CACNA2D1: variants seen among roughly 807,000 people sequenced by gnomAD.
CACNA2D1 encodes calcium voltage-gated channel auxiliary subunit alpha2delta 1.
In CACNA2D1, 53 loss-of-function variants were observed where a neutral mutation model predicts 171.5. The observed-to-expected ratio is 0.31, with a 90% CI of 0.25 to 0.39. CACNA2D1 has a LOEUF of 0.39. Among genes scored for constraint, CACNA2D1 ranks in the 10% least tolerant of loss-of-function variants. The probability of loss-of-function intolerance (pLI) is 1.00; values close to 1 mark genes in which losing one functional copy is unlikely to be tolerated. For missense variants in CACNA2D1, 903 were observed against 1,299.8 expected (o/e 0.69, Z 4.69); for synonymous variants, 442 against 443.1 (o/e 1.00, Z 0.03).
At chr7:82,083,847 T>A (rs1810111740) in intron 7 of CACNA2D1, among the ~76,000 whole-genome samples, 2 of 152,174 alleles carry the variant, frequency 1.3e-5, no homozygotes, top group Admixed American at 6.5e-5. Context: ...AATTTTTATT[T>A]CACCCTTATT....
At chr7:82,069,493 T>C (rs1808059212) in intron 7 of CACNA2D1, among the ~76,000 whole-genome samples, 2 of 152,170 alleles carry the variant, frequency 1.3e-5, no homozygotes, top group Non-Finnish European at 2.9e-5. Context: ...AAAAATGAAC[T>C]GTTAGTGTGT....
intron 4 of CACNA2D1, among the ~76,000 whole-genome samples, chr7:82,162,429 T>C (rs1371430790): frequency 1.3e-5 from 2 of 151,922 alleles, no homozygotes; most frequent in Non-Finnish European, 2.9e-5. Context: ...TTTGGAAGGT[T>C]GTAAGTTGAT....
rs752659902 is a variant in CACNA2D1 at position 81,962,509 on chromosome 7, A to AT, written c.2781-15dup. 4 of 1,548,174 alleles carry AT rather than the reference A, an allele frequency of 2.6e-6. No individual in the cohort carries two copies. The highest frequency in any genetic ancestry group is 2.3e-5 in the South Asian group (2 of 85,142). Reference sequence around the variant, plus strand: ...TGTAGAATAGACCTGAATTTTTCAAATAAAAAAAAAATAAACATCTAGGGA... The same window carrying AT: ...TGTAGAATAGACCTGAATTTTTCAAATTAAAAAAAAAATAAACATCTAGGGA... On this transcript the variant is annotated splice_polypyrimidine_tract_variant and intron_variant, in intron 34 of 38. Transcript: ENST00000356860.
chr7:82,112,057 G>T (rs760292319), intron 6 of CACNA2D1, among the ~76,000 whole-genome samples: 3 of 151,762 alleles, frequency 2.0e-5, no homozygotes, highest in Non-Finnish European at 2.9e-5. Context: ...ATCATTATAA[G>T]AAAAAATAAA....
chr7:82,088,042 T>C (rs1405214336), intron 6 of CACNA2D1, among the ~76,000 whole-genome samples: 1 of 152,186 alleles, frequency 6.6e-6, no homozygotes, highest in Non-Finnish European at 1.5e-5. Context: ...TGTTTCTGTC[T>C]GTCTCTCTAA....
At chr7:82,357,612 C>T (rs574414035) in intron 1 of CACNA2D1, among the ~76,000 whole-genome samples, 2 of 150,194 alleles carry the variant, frequency 1.3e-5, no homozygotes, top group Non-Finnish European at 3.0e-5. Flanking sequence ...ACCTTTTTTT[C>T]CATGCCCTTC....
At chr7:82,016,265 A>G (rs1800432288) in intron 12 of CACNA2D1, among the ~76,000 whole-genome samples, 1 of 152,114 alleles carries the variant, frequency 6.6e-6, no homozygotes, top group Non-Finnish European at 1.5e-5. Context: ...TAAATGCCAT[A>G]CCCTAAACAA....
chr7:82,399,276 C>T (rs538771315), intron 1 of CACNA2D1, among the ~76,000 whole-genome samples: 4 of 152,078 alleles, frequency 2.6e-5, no homozygotes, highest in East Asian at 1.9e-4. Flanking sequence ...CCTGTCTCTA[C>T]AAAAAATACG....
At chr7:82,254,506 T>A (rs1806051050) in intron 3 of CACNA2D1, among the ~76,000 whole-genome samples, 2 of 152,150 alleles carry the variant, frequency 1.3e-5, no homozygotes, top group South Asian at 4.1e-4. Context: ...AATACATCCA[T>A]CATCACATAT....
At position 81,950,221 on chromosome 7, in the gene CACNA2D1, C is replaced by T; in HGVS notation, c.*171G>A. 8.8e-7 allele frequency: 1 copy of T among 1,136,804 alleles called. No homozygotes were observed. The highest frequency in any genetic ancestry group is 1.3e-6 in the Non-Finnish European group (1 of 794,352). The allele number at this position is 1,136,804 out of a possible 1,614,324, so 70.4% of individuals were successfully genotyped here. ...CACGTTTAAGGATCTGACACCCTGA[C>T]ATGCAGCCAGTGGGTGCCTTAGGAG... On this transcript the variant is annotated 3_prime_UTR_variant, in exon 39 of 39. Coordinates refer to ENST00000356860, the MANE Select transcript of CACNA2D1 (RefSeq NM_000722.4).
chr7:82,017,613 T>A (rs1352689423), intron 12 of CACNA2D1, among the ~76,000 whole-genome samples: 3 of 151,980 alleles, frequency 2.0e-5, no homozygotes, highest in Non-Finnish European at 1.5e-5. Context: ...TTCAGATGTT[T>A]TTTTTTTACT....
intron 1 of CACNA2D1, among the ~76,000 whole-genome samples, chr7:82,395,030 GCTA>G (rs1399839853): frequency 1.2e-4 from 19 of 152,032 alleles, no homozygotes; most frequent in African/African-American, 3.9e-4. Context: ...TTTGTTAGTT[GCTA>G]CTATCTCCTA....
chr7:82,082,120 G>A (rs1234011269), intron 7 of CACNA2D1, among the ~76,000 whole-genome samples: 1 of 152,200 alleles, frequency 6.6e-6, no homozygotes, highest in Non-Finnish European at 1.5e-5. Context: ...AACTCTGTCA[G>A]TCCCTTGCTC....
chr7:82,417,063 A>C (rs1285290381), intron 1 of CACNA2D1, among the ~76,000 whole-genome samples: 1 of 152,238 alleles, frequency 6.6e-6, no homozygotes, highest in Non-Finnish European at 1.5e-5. Context: ...TAATACATCT[A>C]CAATCTACAT....
chr7:82,047,066 A>G (rs1804638211), intron 10 of CACNA2D1, among the ~76,000 whole-genome samples: 1 of 152,112 alleles, frequency 6.6e-6, no homozygotes, highest in African/African-American at 2.4e-5. Flanking sequence ...ATCCCCCTGC[A>G]TCTCCACCTG....
intron 3 of CACNA2D1, among the ~76,000 whole-genome samples, chr7:82,172,524 C>T (rs962511002): frequency 5.3e-5 from 8 of 151,418 alleles, no homozygotes; most frequent in Non-Finnish European, 1.0e-4. Context: ...GCAATCATAG[C>T]TCCCTGCAGC....
chr7:82,061,673 C>T (rs758375131), intron 9 of CACNA2D1, among the ~76,000 whole-genome samples: 4 of 152,118 alleles, frequency 2.6e-5, no homozygotes, highest in Non-Finnish European at 5.9e-5. Flanking sequence ...CCAGTCATGC[C>T]AGACAGGAGA....
chr7:82,327,923 G>T (rs1318134117), intron 3 of CACNA2D1, among the ~76,000 whole-genome samples: 6 of 152,058 alleles, frequency 3.9e-5, no homozygotes, highest in Admixed American at 3.3e-4. Context: ...CAGCCCCTCA[G>T]CTCCCATTTG....
At chr7:82,181,638 TA>T (rs1797150680) in intron 3 of CACNA2D1, among the ~76,000 whole-genome samples, 1 of 152,210 alleles carries the variant, frequency 6.6e-6, no homozygotes, top group Non-Finnish European at 1.5e-5. Context: ...TAGATTATCT[TA>T]AAAAAGCAAG....
Sources: allele counts gnomAD v4.1 joint callset (sites outside exome capture counted in the v4.1 genomes callset), GRCh38; gene constraint gnomAD v4.1.1; transcripts MANE v1.5; gene names NCBI Gene and HGNC (gene_info 2026-07-23, HGNC 2026-07-21).